SPTBN4: variants seen among roughly 807,000 people sequenced by gnomAD.
The protein encoded by SPTBN4 is spectrin beta, non-erythrocytic 4.
In SPTBN4, 96 loss-of-function variants were observed where a neutral mutation model predicts 277.8. The observed-to-expected ratio is 0.35, with a 90% CI of 0.29 to 0.41. SPTBN4 has a LOEUF of 0.41. Among genes scored for constraint, SPTBN4 ranks in the 10% least tolerant of loss-of-function variants. The probability of loss-of-function intolerance (pLI) is 1.00; values close to 1 mark genes in which losing one functional copy is unlikely to be tolerated. For synonymous variants in SPTBN4, 1,481 were observed against 1,580.3 expected, an observed-to-expected ratio of 0.94 and a Z score of 1.49; for missense variants, 3,006 against 3,595.7, an observed-to-expected ratio of 0.84 and a Z score of 4.19.
rs1283829987 is a variant in SPTBN4, at chr19:40,570,660, C to T, written c.7251C>T (p.His2417=). ...SAPAPPPPPT[H]TVQHEGFLLR... Reference sequence around the variant, plus strand: ...CCGCGCCTCCGCCACCGCCCACTCACACAGTGCAGCACGAGGGCTTCCTAC... The same window carrying T: ...CCGCGCCTCCGCCACCGCCCACTCATACAGTGCAGCACGAGGGCTTCCTAC... Residue 2417 remains histidine, a synonymous_variant, in exon 33 of 36, where the codon CAC becomes CAT. Coordinates refer to ENST00000598249, the MANE Select transcript of SPTBN4 (RefSeq NM_020971.3). The T allele has an allele frequency of 1.3e-6, 2 of 1,566,082 alleles. No homozygotes were observed. Among genetic ancestry groups the T allele is most frequent in the Non-Finnish European group, 1.7e-6 (2 of 1,159,648 alleles).
chr19:40,519,249 G>A lies in SPTBN4; in HGVS notation c.2904-152G>A, dbSNP rs2080494351. The stretch of plus-strand genomic sequence containing the variant: ...GCCCTAAGCAAAAGTGCTGCGTAGG[G>A]TTCCATTTTACACCGGCAGAAACTG... On this transcript the variant is annotated intron_variant, in intron 15 of 35. Coordinates refer to ENST00000598249, the MANE Select transcript of SPTBN4 (RefSeq NM_020971.3). This position sits in a 1 kb window ranked among gnomAD's most constrained non-coding sequence, Gnocchi z 5.7. 2.9e-6 allele frequency: 2 copies of A among 698,896 alleles called. No individual in the cohort carries two copies. The highest frequency in any genetic ancestry group is 2.1e-6 in the Non-Finnish European group (1 of 475,886). 43.3% of individuals were successfully genotyped at this position (698,896 alleles called of 1,614,324 possible).
At chr19:40,512,383 C>A (rs1430722443) in intron 13 of SPTBN4, among the ~76,000 whole-genome samples, 2 of 152,180 alleles carry the variant, frequency 1.3e-5, no homozygotes, top group Non-Finnish European at 2.9e-5. Context: ...AATGACAACA[C>A]AGAGTAGTCA....
intron 7 of SPTBN4, among the ~76,000 whole-genome samples, chr19:40,501,384 A>G (rs1172494402): frequency 6.6e-6 from 1 of 152,214 alleles, no homozygotes; most frequent in Non-Finnish European, 1.5e-5. Flanking sequence ...AGAAACAAAT[A>G]TAGGCCAGGT....
In SPTBN4 at chr19:40,568,152, G is replaced by C; in HGVS notation, c.6826G>C (p.Glu2276Gln). ...RPERQESAEH[E>Q]AAHSLTLGRY... The stretch of plus-strand genomic sequence containing the variant: ...GGAGCGGCAGGAGTCAGCGGAGCAC[G>C]AGGCGGCACACAGCCTTACCCTGGG... Residue 2276 changes from glutamate (E) to glutamine (Q), a missense_variant, in exon 31 of 36, where the codon GAG (glutamate) becomes CAG (glutamine). Physicochemically the swap from Glu to Gln is conservative, Grantham distance 29. Coordinates refer to ENST00000598249, the MANE Select transcript of SPTBN4 (RefSeq NM_020971.3). 6.3e-7 allele frequency: 1 copy of C among 1,580,110 alleles called. No individual in the cohort carries two copies. Among genetic ancestry groups the C allele is most frequent in the Non-Finnish European group, 8.6e-7 (1 of 1,163,812 alleles).
At position 40,551,469 on chromosome 19, in the gene SPTBN4, G is replaced by T. The variant is rs551709353; in HGVS notation, c.4674+1142G>T. On this transcript the variant is annotated intron_variant, in intron 22 of 35. Coordinates refer to ENST00000598249, the MANE Select transcript of SPTBN4 (RefSeq NM_020971.3). ...AACACCCATAGGGACAAAGGACAGAGATAATCAGCAAGAGGATACTACTGC... is the reference window on the plus strand; with the variant it reads ...AACACCCATAGGGACAAAGGACAGATATAATCAGCAAGAGGATACTACTGC... Among the ~76,000 whole-genome samples the T allele has an allele frequency of 2.6e-5, 4 of 152,194 alleles. No individual in the cohort carries two copies. In the East Asian group the frequency reaches 7.7e-4, roughly 29 times the overall value.
In SPTBN4 at chr19:40,560,815, G is replaced by A; in HGVS notation, c.5915+412G>A. 5 of 996,580 alleles carry A rather than the reference G, an allele frequency of 5.0e-6. No individual in the cohort carries two copies. Among genetic ancestry groups the A allele is most frequent in the Non-Finnish European group, 6.3e-6 (5 of 798,938 alleles). The allele number at this position is 996,580 out of a possible 1,614,324, so 61.7% of individuals were successfully genotyped here. ...GCTCACATAGTGGTTGGATGTGAGT[G>A]TCCAGCAGAATCCTGTCCCCTGGTG... On this transcript the variant is annotated intron_variant, in intron 27 of 35. Coordinates refer to ENST00000598249, the MANE Select transcript of SPTBN4 (RefSeq NM_020971.3). The surrounding 1 kb of genome is among the most constrained non-coding windows in gnomAD (Gnocchi z 5.2).
At chr19:40,553,506 T>C (rs181617022) in intron 22 of SPTBN4, among the ~76,000 whole-genome samples, 3 of 152,148 alleles carry the variant, frequency 2.0e-5, no homozygotes, top group Admixed American at 1.3e-4. Context: ...TTATTATCTT[T>C]ATCAGTTGAG....
At position 40,567,698 on chromosome 19, in the gene SPTBN4, G is replaced by T; in HGVS notation, c.6372G>T (p.Pro2124=). The change falls in exon 31 of 36, where the codon CCG becomes CCT. Residue 2124 remains proline, a synonymous_variant. Coordinates refer to ENST00000598249, the MANE Select transcript of SPTBN4 (RefSeq NM_020971.3). Reference sequence around the variant, plus strand: ...TCAAAGCGGAACAGAGCAAGCAGCCGCCTACCCCACTGCTGGGGCGCAAGT... The same window carrying T: ...TCAAAGCGGAACAGAGCAAGCAGCCTCCTACCCCACTGCTGGGGCGCAAGT... ...EKIKAEQSKQ[P]PTPLLGRKFF... 1 of 1,482,254 alleles carries T rather than the reference G, an allele frequency of 6.7e-7. No individual in the cohort carries two copies. The highest frequency in any genetic ancestry group is 9.0e-7 in the Non-Finnish European group (1 of 1,107,782). The allele number at this position is 1,482,254 out of a possible 1,614,324, so 91.8% of individuals were successfully genotyped here.
At chr19:40,534,424 C>G in intron 20 of SPTBN4, 81 bp downstream of exon 20, 1 of 1,505,744 alleles carries the variant, frequency 6.6e-7, no homozygotes, top group Middle Eastern at 2.4e-4. Flanking sequence ...CAAGGTATGT[C>G]AAGTGGAGGG....
intron 20 of SPTBN4, among the ~76,000 whole-genome samples, chr19:40,545,403 A>G (rs1211120651): frequency 6.6e-6 from 1 of 151,728 alleles, no homozygotes; most frequent in East Asian, 1.9e-4. Context: ...CTATGACAGT[A>G]TTTCTTTAGT....
chr19:40,523,689 C>G (rs1045830531), intron 17 of SPTBN4, 50 bp downstream of exon 17: 2 of 1,542,526 alleles, frequency 1.3e-6, no homozygotes, highest in African/African-American at 1.4e-5. Context: ...AAGATGGGGC[C>G]CAGCATAGGG....
chr19:40,549,235 T>A lies in SPTBN4; in HGVS notation c.4406T>A (p.Leu1469Gln). Residue 1469 changes from leucine to glutamine, a missense_variant, in exon 21 of 36, where the codon CTG becomes CAG. By Grantham distance (113) the Leu-to-Gln change is moderately radical (BLOSUM62 -2). Around this residue, in one of 5 missense-constraint regions of SPTBN4, gnomAD observed 1,759 missense variants for 2,061.5 expected, o/e 0.85. Transcript: ENST00000598249. ...GAGTGGTACCGCGAGGTGGGAGAGC[T>A]GCAGGCGCAGACGGCGGCGCTGCCG... ...VEEWYREVGE[L>Q]QAQTAALPLE... is the part of the protein sequence containing the mutation. 6.5e-7 allele frequency: 1 copy of A among 1,548,634 alleles called. No homozygotes were observed. The highest frequency in any genetic ancestry group is 8.7e-7 in the Non-Finnish European group (1 of 1,147,242).
intron 18 of SPTBN4, chr19:40,530,686 G>T: frequency 1.7e-6 from 1 of 591,558 alleles, no homozygotes; most frequent in Non-Finnish European, 2.1e-6. Flanking sequence ...GTGGCCGCGG[G>T]AGGGAGGGGC....
In SPTBN4 at chr19:40,557,226, C is replaced by T. The variant is rs371480873; in HGVS notation, c.5493C>T (p.Ala1831=). 86 of 1,611,188 alleles carry T rather than the reference C, an allele frequency of 5.3e-5. No homozygotes were observed. Among genetic ancestry groups the T allele is most frequent in the East Asian group, 1.3e-4 (6 of 44,802 alleles). Residue 1831 remains alanine (A), a synonymous_variant, in exon 26 of 36, where the codon GCC becomes GCT. Coordinates refer to ENST00000598249, the MANE Select transcript of SPTBN4 (RefSeq NM_020971.3). ...ELMGTRAQLL[A]ASRELHKFFS... ...TGGGCACACGGGCCCAGCTGCTGGC[C>T]GCCTCTCGGGAGCTTCATAAGTTCT... is the stretch of plus-strand genomic sequence containing the variant.
rs552848493 is a variant in SPTBN4 at position 40,486,890 on chromosome 19, A to G, written c.170-807A>G. ...ATTTATTGAATGAATGAATGACTAGAGCCAACTGGGGTCACAAGCAGGGAA... is the reference window on the plus strand; with the variant it reads ...ATTTATTGAATGAATGAATGACTAGGGCCAACTGGGGTCACAAGCAGGGAA... On this transcript the variant is annotated intron_variant, in intron 2 of 35. Transcript: ENST00000598249. Among the ~76,000 whole-genome samples the G allele has an allele frequency of 2.7e-4, 41 of 152,256 alleles. No individual in the cohort carries two copies. In the South Asian group the frequency reaches 8.3e-3, roughly 31 times the overall value.
At chr19:40,474,927 G>A (rs559365437) in intron 2 of SPTBN4, among the ~76,000 whole-genome samples, 23 of 151,922 alleles carry the variant, frequency 1.5e-4, no homozygotes, top group Non-Finnish European at 2.8e-4. Context: ...GTAAGATGGG[G>A]TCTTGCTATG....
rs745836494 is a variant in SPTBN4, at chr19:40,556,287, C to T, written c.5288C>T (p.Ser1763Leu). The change falls in exon 25 of 36, where the codon TCG becomes TTG. Residue 1763 changes from serine to leucine, a missense_variant and splice_region_variant. By Grantham distance (145) the Ser-to-Leu change is moderately radical (BLOSUM62 -2). Coordinates refer to ENST00000598249, the MANE Select transcript of SPTBN4 (RefSeq NM_020971.3). ...CTCGGCCAGGACTTTGAGCATGTCT[C>T]GGTGAGCATCATTAGTAATAAGTGA... The part of the protein sequence containing the change: ...PELGQDFEHV[S>L]VLQEKFSEFA... 38 of 1,610,104 alleles carry T rather than the reference C, an allele frequency of 2.4e-5. No individual in the cohort carries two copies. The highest frequency in any genetic ancestry group is 3.3e-5 in the Admixed American group (2 of 59,732).
In SPTBN4 at chr19:40,490,188, C is replaced by T. The variant is rs1176885207; in HGVS notation, c.435C>T (p.Ile145=). The change falls in exon 4 of 36, where the codon ATC becomes ATT. Residue 145 remains isoleucine (I), a synonymous_variant. Coordinates refer to ENST00000598249, the MANE Select transcript of SPTBN4 (RefSeq NM_020971.3). This position sits in a 1 kb window ranked among gnomAD's most constrained non-coding sequence, Gnocchi z 4.3. ...VHLENVGSHD[I]VDGNHRLTLG... is the part of the protein sequence containing the mutation. ...TGGAGAACGTGGGTTCGCATGACAT[C>T]GTGGATGGGAATCACCGGCTGACGC... is the stretch of plus-strand genomic sequence containing the variant. 6.2e-7 allele frequency: 1 copy of T among 1,614,216 alleles called. No homozygotes were observed. Among genetic ancestry groups the T allele is most frequent in the Admixed American group, 1.7e-5 (1 of 60,024 alleles).
intron 18 of SPTBN4, among the ~76,000 whole-genome samples, chr19:40,531,127 A>T (rs2080665054): frequency 1.3e-5 from 2 of 151,450 alleles, no homozygotes; most frequent in Admixed American, 1.3e-4. Flanking sequence ...GGGTTGTTGG[A>T]TAGTCTGGTT....
Sources: allele counts gnomAD v4.1 joint callset (sites outside exome capture counted in the v4.1 genomes callset), GRCh38; gene constraint gnomAD v4.1.1; regional missense constraint gnomAD v4.1.1; non-coding constraint Gnocchi (gnomAD v3.1); transcripts MANE v1.5; gene names NCBI Gene and HGNC (gene_info 2026-07-23, HGNC 2026-07-21).